PCDHGC5: variants seen among roughly 807,000 people sequenced by gnomAD.
PCDHGC5 encodes protocadherin gamma subfamily C, 5, also known as protocadherin gamma-C5.
A neutral mutation model predicts 59.0 loss-of-function variants in PCDHGC5; 25 were observed. The observed-to-expected ratio is 0.42, with a 90% CI of 0.31 to 0.59. The LOEUF is 0.59. Ranked by LOEUF, PCDHGC5 falls within the 20% of genes least tolerant of loss-of-function variation. The pLI is 0.13. For missense variants in PCDHGC5, 1,067 were observed against 1,206.4 expected, an observed-to-expected ratio of 0.88 and a Z score of 1.71; for synonymous variants, 434 against 505.5, an observed-to-expected ratio of 0.86 and a Z score of 1.90.
At chr5:141,495,571 C>T (rs1031548699) in intron 2 of PCDHGC5, among the ~76,000 whole-genome samples, 1 of 152,198 alleles carries the variant, frequency 6.6e-6, no homozygotes, top group African/African-American at 2.4e-5. Flanking sequence ...TCTGCCTCTC[C>T]CTCTCTTCTC....
chr5:141,509,843 C>T (rs1596253565), intron 3 of PCDHGC5, among the ~76,000 whole-genome samples: 1 of 152,178 alleles, frequency 6.6e-6, no homozygotes, highest in African/African-American at 2.4e-5. Context: ...CTCCCATTCA[C>T]TCAGAACAGG....
rs1033888717 is a variant in PCDHGC5 at position 141,512,540 on chromosome 5, T to C, written c.*1367T>C. 6.5e-6 allele frequency: 1 copy of C among 152,886 alleles called. No homozygotes were observed. Among genetic ancestry groups the C allele is most frequent in the African/African-American group, 2.4e-5 (1 of 41,476 alleles). 9.5% of individuals were successfully genotyped at this position (152,886 alleles called of 1,614,324 possible). ...CCATAGCCTGGTTAAAGTTCCCCAGTGCCTCCTTGTGCATAGACCTTCTTC... is the reference window on the plus strand; with the variant it reads ...CCATAGCCTGGTTAAAGTTCCCCAGCGCCTCCTTGTGCATAGACCTTCTTC... On this transcript the variant is annotated 3_prime_UTR_variant, in exon 4 of 4. Transcript: ENST00000252087.
intron 2 of PCDHGC5, 79 bp downstream of exon 2, chr5:141,494,944 C>T: frequency 1.9e-6 from 3 of 1,609,850 alleles, no homozygotes; most frequent in Non-Finnish European, 2.5e-6. Context: ...TGGGGGAGGG[C>T]CCAGCATTTG....
intron 3 of PCDHGC5, among the ~76,000 whole-genome samples, chr5:141,506,138 G>T (rs983643755): frequency 6.6e-6 from 1 of 152,134 alleles, no homozygotes; most frequent in African/African-American, 2.4e-5. Flanking sequence ...AGGAGAAGAA[G>T]AATATCATTT....
rs775712620 is a variant in PCDHGC5, at chr5:141,491,341, G to T, written c.2101G>T (p.Val701Phe). 1 of 1,613,982 alleles carries T rather than the reference G, an allele frequency of 6.2e-7. No homozygotes were observed. The highest frequency in any genetic ancestry group is 8.5e-7 in the Non-Finnish European group (1 of 1,180,016). ...TLYLIVALAT[V>F]SLLSLVTFTF... ...TTACCTCATTGTGGCTCTAGCGACC[G>T]TCAGTCTCTTATCCCTAGTCACCTT... Residue 701 changes from valine to phenylalanine, a missense_variant, in exon 1 of 4, where the codon GTC (valine) becomes TTC (phenylalanine). By Grantham distance (50) the Val-to-Phe change is conservative. Coordinates refer to ENST00000252087, the MANE Select transcript of PCDHGC5 (RefSeq NM_018929.3). The surrounding 1 kb of genome is among the most constrained non-coding windows in gnomAD (Gnocchi z 6.9).
chr5:141,490,903 C>G lies in PCDHGC5; in HGVS notation c.1663C>G (p.Leu555Val). 6.2e-7 allele frequency: 1 copy of G among 1,613,764 alleles called. No homozygotes were observed. The highest frequency in any genetic ancestry group is 1.7e-5 in the Admixed American group (1 of 60,022). Residue 555 changes from leucine to valine, a missense_variant, in exon 1 of 4, where the codon CTA becomes GTA. Physicochemically the swap from Leu to Val is conservative, Grantham distance 32. Coordinates refer to ENST00000252087, the MANE Select transcript of PCDHGC5 (RefSeq NM_018929.3). This position sits in a 1 kb window ranked among gnomAD's most constrained non-coding sequence, Gnocchi z 5.4. The part of the protein sequence containing the change: ...HANTSLHVFV[L>V]DENDNAPAVL... ...CAACACATCTCTGCATGTGTTTGTC[C>G]TAGACGAGAATGATAATGCCCCAGC... is the stretch of plus-strand genomic sequence containing the variant.
At chr5:141,494,776 C>T in intron 1 of PCDHGC5, 31 bp from the exon 2 acceptor site, 1 of 1,614,100 alleles carries the variant, frequency 6.2e-7, no homozygotes, top group East Asian at 2.2e-5. Context: ...CTCACGGGTA[C>T]TCAGCCCCTT....
At chr5:141,502,887 G>T (rs2099816882) in intron 2 of PCDHGC5, among the ~76,000 whole-genome samples, 1 of 40,910 alleles carries the variant, frequency 2.4e-5, no homozygotes, top group Non-Finnish European at 4.5e-5. Context: ...TTTTGACAGG[G>T]AGTCTAGCTC....
chr5:141,491,742 C>T lies in PCDHGC5; in HGVS notation c.2460+42C>T. On this transcript the variant is annotated intron_variant, in intron 1 of 3. Transcript: ENST00000252087. This position sits in a 1 kb window ranked among gnomAD's most constrained non-coding sequence, Gnocchi z 6.9. ...CGCCCCGGGCGACCCCTGGGGGCGG[C>T]ACTGGAGAAGCCGCCCGTCCTCATA... 6.3e-7 allele frequency: 1 copy of T among 1,596,114 alleles called. No individual in the cohort carries two copies. Among genetic ancestry groups the T allele is most frequent in the African/African-American group, 1.3e-5 (1 of 74,260 alleles).
intron 2 of PCDHGC5, among the ~76,000 whole-genome samples, chr5:141,495,296 T>TCCTCCAGAG (rs998633800): frequency 1.3e-5 from 2 of 152,054 alleles, no homozygotes; most frequent in Non-Finnish European, 2.9e-5. Flanking sequence ...ACTCAGCGCC[T>TCCTCCAGAG]CCTCCAGAGC....
Position 141,489,732 on chromosome 5 carries a change from C to T in PCDHGC5, c.492C>T (p.Thr164=), listed in dbSNP as rs1562132763. Residue 164 remains threonine (T), a synonymous_variant, in exon 1 of 4, where the codon ACC becomes ACT. Coordinates refer to ENST00000252087, the MANE Select transcript of PCDHGC5 (RefSeq NM_018929.3). This position sits in a 1 kb window ranked among gnomAD's most constrained non-coding sequence, Gnocchi z 4.5. The part of the protein sequence containing the change: ...LDSAQDPDVG[T]NTVSFYTLSP... ...GTGCCCAGGATCCGGATGTGGGCAC[C>T]AATACTGTGAGCTTTTACACTCTAA... 3.1e-6 allele frequency: 5 copies of T among 1,614,126 alleles called. No individual in the cohort carries two copies. The highest frequency in any genetic ancestry group is 1.1e-5 in the South Asian group (1 of 91,074).
rs773899530 is a variant in PCDHGC5 at position 141,494,864 on chromosome 5, G to A, written c.2518G>A (p.Gly840Ser). 1.6e-5 allele frequency: 26 copies of A among 1,613,950 alleles called. No individual in the cohort carries two copies. The Admixed American group carries it at 3.5e-4, about 22-fold the overall frequency. Reference protein sequence around the residue: ...FSQAQRPGTSGSQNGDDTGTW... With the variant: ...FSQAQRPGTSSSQNGDDTGTW... ...TCAGGCCCAGAGACCCGGCACCAGC[G>A]GGTAGGTGACTGATTCTCCAGCCCA... Residue 840 changes from glycine to serine, a missense_variant and splice_region_variant, in exon 2 of 4, where the codon GGC (glycine) becomes AGC (serine). Gly to Ser is a moderately conservative substitution (Grantham distance 56, BLOSUM62 0). Coordinates refer to ENST00000252087, the MANE Select transcript of PCDHGC5 (RefSeq NM_018929.3).
At chr5:141,495,719 C>T (rs929450759) in intron 2 of PCDHGC5, among the ~76,000 whole-genome samples, 12 of 152,150 alleles carry the variant, frequency 7.9e-5, no homozygotes, top group African/African-American at 2.4e-5. Context: ...AGTAACTACA[C>T]GGGACCCTTA....
rs2099750571 is a variant in PCDHGC5, at chr5:141,493,878, T to A, written c.2461-929T>A. On this transcript the variant is annotated intron_variant, in intron 1 of 3. Coordinates refer to ENST00000252087, the MANE Select transcript of PCDHGC5 (RefSeq NM_018929.3). This position sits in a 1 kb window ranked among gnomAD's most constrained non-coding sequence, Gnocchi z 4.3. ...GCCCACCCCAGAACCAGTGAGGAGG[T>A]GGCTCTAGGAGTGCTCCATGAGAGT... is the stretch of plus-strand genomic sequence containing the variant. 6.6e-6 allele frequency among the ~76,000 whole-genome samples: 1 copy of A among 152,072 alleles called. No homozygotes were observed. The highest frequency in any genetic ancestry group is 6.6e-5 in the Admixed American group (1 of 15,264).
At chr5:141,509,327 G>A (rs2099876237) in intron 3 of PCDHGC5, among the ~76,000 whole-genome samples, 1 of 152,188 alleles carries the variant, frequency 6.6e-6, no homozygotes, top group African/African-American at 2.4e-5. Flanking sequence ...AAGCTCTACT[G>A]CCAGCTGGGC....
In PCDHGC5 at chr5:141,490,462, ACCAG is replaced by A; in HGVS notation, c.1229_1232del (p.Gln410LeufsTer54). On this transcript the variant is annotated frameshift_variant, in exon 1 of 4. Coordinates refer to ENST00000252087, the MANE Select transcript of PCDHGC5 (RefSeq NM_018929.3). LOFTEE classifies it high-confidence loss of function. The surrounding 1 kb of genome is among the most constrained non-coding windows in gnomAD (Gnocchi z 5.4). ...TTCTGAGAACCACTACTCGCTGCTA[ACCAG>A]CCAGCCTTTGGACCGGGAGGCCACA... 1 of 1,614,198 alleles carries A rather than the reference ACCAG, an allele frequency of 6.2e-7. No homozygotes were observed.
chr5:141,490,822 C>T lies in PCDHGC5; in HGVS notation c.1582C>T (p.Gln528Ter). ...AQRTFDYELL[Q>*]MLQIVVGVRD... ...GCGTACCTTTGACTATGAATTGCTG[C>T]AGATGCTGCAGATTGTGGTGGGGGT... The change falls in exon 1 of 4, where the codon CAG (glutamine) becomes TAG (stop). Residue 528 changes from glutamine (Q) to a stop codon, truncating the protein, a stop_gained. Coordinates refer to ENST00000252087, the MANE Select transcript of PCDHGC5 (RefSeq NM_018929.3). LOFTEE classifies it high-confidence loss of function. This position sits in a 1 kb window ranked among gnomAD's most constrained non-coding sequence, Gnocchi z 5.4. 2 of 1,613,842 alleles carry T rather than the reference C, an allele frequency of 1.2e-6. No individual in the cohort carries two copies. Among genetic ancestry groups the T allele is most frequent in the Non-Finnish European group, 1.7e-6 (2 of 1,179,790 alleles).
intron 2 of PCDHGC5, among the ~76,000 whole-genome samples, chr5:141,503,568 C>T (rs1357099545): frequency 6.9e-6 from 1 of 144,390 alleles, no homozygotes; most frequent in Non-Finnish European, 1.5e-5. Context: ...CACTGTACTC[C>T]AGCCTGGGTG....
rs926566427 is a variant in PCDHGC5, at chr5:141,505,127, A to T, written c.2520-266A>T. Among the ~76,000 whole-genome samples, 9 of 152,158 alleles carry T rather than the reference A, an allele frequency of 5.9e-5. No homozygotes were observed. The East Asian group carries it at 1.5e-3, about 26-fold the overall frequency. The stretch of plus-strand genomic sequence containing the variant: ...CAATGAGCCAAGATCGCGCCACTGC[A>T]CTCCAGCCTGGATGACAGAGTAAGA... On this transcript the variant is annotated intron_variant, in intron 2 of 3. Transcript: ENST00000252087.
Sources: allele counts gnomAD v4.1 joint callset (sites outside exome capture counted in the v4.1 genomes callset), GRCh38; gene constraint gnomAD v4.1.1; non-coding constraint Gnocchi (gnomAD v3.1); transcripts MANE v1.5; gene names NCBI Gene and HGNC (gene_info 2026-07-23, HGNC 2026-07-21).